The following NXPE2 variants were observed in gnomAD, a reference collection of about 807,000 sequenced individuals.
NXPE2 encodes NXPE family member 2.
NXPE2 carries 34 observed loss-of-function variants against 34.4 expected under a neutral mutation model. The observed-to-expected ratio is 0.99, with a 90% CI of 0.75 to 1.31. The LOEUF (loss-of-function observed/expected upper bound fraction) is 1.31, where lower values mean the gene tolerates loss of function less well. NXPE2 is among the 40% of genes most tolerant of loss of function. The pLI, the probability that NXPE2 is intolerant of heterozygous loss-of-function variation, is 0.00. For synonymous variants in NXPE2, 235 were observed against 231.3 expected, an observed-to-expected ratio of 1.02 and a Z score of -0.15; for missense variants, 649 against 672.5, an observed-to-expected ratio of 0.97 and a Z score of 0.39.
At chr11:114,555,387 C>T in the NXPE2 span, among the ~76,000 whole-genome samples, 1,032 of 152,186 alleles carry the variant, frequency 6.8e-3, 15 homozygotes, top group African/African-American at 0.022. Context: ...CCACCATGCC[C>T]GGCTAATTTT....
chr11:114,483,483 A>G, the NXPE2 span, among the ~76,000 whole-genome samples: 4 of 152,356 alleles, frequency 2.6e-5, no homozygotes, highest in African/African-American at 9.6e-5. Flanking sequence ...AGATTGTTGT[A>G]TAAATGCAAG....
chr11:114,602,784 TATA>T, the NXPE2 span, among the ~76,000 whole-genome samples: 35 of 144,414 alleles, frequency 2.4e-4, no homozygotes, highest in African/African-American at 6.5e-4. Context: ...CAGAATAATG[TATA>T]ATAATTATCT....
chr11:114,500,412 A>G, the NXPE2 span, among the ~76,000 whole-genome samples: 3 of 152,206 alleles, frequency 2.0e-5, no homozygotes, highest in African/African-American at 7.2e-5. Flanking sequence ...ATACTTTTGT[A>G]TGATGAAAGG....
chr11:114,781,767 TCCTTCA>T, the NXPE2 span, among the ~76,000 whole-genome samples: 2 of 152,132 alleles, frequency 1.3e-5, no homozygotes, highest in African/African-American at 2.4e-5. Context: ...GAGCCCTTCC[TCCTTCA>T]CCTCCACCAG....
At chr11:114,516,123 T>C in the NXPE2 span, among the ~76,000 whole-genome samples, 1 of 152,200 alleles carries the variant, frequency 6.6e-6, no homozygotes. Context: ...AGTCTGTTGC[T>C]AAGCCTGTGA....
At chr11:114,713,903 G>C in the NXPE2 span, among the ~76,000 whole-genome samples, 1 of 152,196 alleles carries the variant, frequency 6.6e-6, no homozygotes, top group Non-Finnish European at 1.5e-5. Flanking sequence ...TACAGCATGA[G>C]TTTTCAATGA....
At chr11:114,721,243 GTT>G in the NXPE2 span, among the ~76,000 whole-genome samples, 479 of 138,862 alleles carry the variant, frequency 3.4e-3, 3 homozygotes, top group African/African-American at 0.01. Flanking sequence ...CTTTCTTCAG[GTT>G]TTTTTTTTTT....
chr11:114,632,585 T>C, the NXPE2 span, among the ~76,000 whole-genome samples: 1 of 110,718 alleles, frequency 9.0e-6, no homozygotes, highest in Non-Finnish European at 1.7e-5. Context: ...CATATATTTA[T>C]TGTATATTGA....
At chr11:114,524,305 G>T in the NXPE2 span, among the ~76,000 whole-genome samples, 1 of 152,230 alleles carries the variant, frequency 6.6e-6, no homozygotes, top group Non-Finnish European at 1.5e-5. Context: ...GGAGAAGGCA[G>T]TGAGTATTGG....
At chr11:114,571,452 T>C in the NXPE2 span, 1 of 1,608,994 alleles carries the variant, frequency 6.2e-7, no homozygotes. Context: ...TCCAGATTCA[T>C]GCAGATCCAC....
chr11:114,684,293 G>T (rs1370462670), intron 2 of NXPE2, among the ~76,000 whole-genome samples: 2 of 152,014 alleles, frequency 1.3e-5, no homozygotes, highest in Non-Finnish European at 1.5e-5. Context: ...TGGGCGTGGT[G>T]GTGGGCGCCT....
chr11:114,807,518 CA>C, the NXPE2 span, among the ~76,000 whole-genome samples: 2 of 150,722 alleles, frequency 1.3e-5, no homozygotes, highest in Non-Finnish European at 1.5e-5. Context: ...AAATGGAAAA[CA>C]AAAAAAGGCA....
At chr11:114,478,849 A>G in the NXPE2 span, among the ~76,000 whole-genome samples, 177 of 152,266 alleles carry the variant, frequency 1.2e-3, 1 homozygote, top group African/African-American at 4.1e-3. Context: ...TGTTGTGCCT[A>G]TTGTCCTGGG....
chr11:114,608,831 G>C, the NXPE2 span, among the ~76,000 whole-genome samples: 1 of 151,674 alleles, frequency 6.6e-6, no homozygotes, highest in South Asian at 2.1e-4. Context: ...ACTGTTACCT[G>C]GTGGATAATA....
At chr11:114,787,160 T>C in the NXPE2 span, among the ~76,000 whole-genome samples, 1 of 151,174 alleles carries the variant, frequency 6.6e-6, no homozygotes, top group South Asian at 2.1e-4. Context: ...GAGAGGACAC[T>C]GTCAACAGGC....
the NXPE2 span, among the ~76,000 whole-genome samples, chr11:114,655,820 A>T: frequency 3.3e-5 from 5 of 152,214 alleles, no homozygotes; most frequent in Admixed American, 3.3e-4. Flanking sequence ...AGAGCGATTT[A>T]TGACAAACCC....
intron 2 of NXPE2, among the ~76,000 whole-genome samples, chr11:114,683,663 C>A (rs1408195802): frequency 6.6e-6 from 1 of 152,106 alleles, no homozygotes; most frequent in Non-Finnish European, 1.5e-5. Flanking sequence ...TCATGATCTG[C>A]CCTCCTTGGC....
At chr11:114,807,748 C>A in the NXPE2 span, among the ~76,000 whole-genome samples, 3 of 151,516 alleles carry the variant, frequency 2.0e-5, no homozygotes, top group Non-Finnish European at 2.9e-5. Context: ...TAATGGGAGA[C>A]TTTAACACCC....
the NXPE2 span, among the ~76,000 whole-genome samples, chr11:114,630,471 T>C: frequency 6.6e-6 from 1 of 151,822 alleles, no homozygotes; most frequent in African/African-American, 2.4e-5. Flanking sequence ...GCTAGCCATA[T>C]GTAGAAAGCT....
Sources: allele counts gnomAD v4.1 joint callset (sites outside exome capture counted in the v4.1 genomes callset), GRCh38; gene constraint gnomAD v4.1.1; transcripts MANE v1.5; gene names NCBI Gene and HGNC (gene_info 2026-07-23, HGNC 2026-07-21).